Variants in CDKL5 observed in about 807,000 individuals in gnomAD.
CDKL5 encodes the protein cyclin dependent kinase like 5.
Under a neutral mutation model 61.7 loss-of-function variants are expected in CDKL5, and 8 were observed. The ratio of observed to expected loss-of-function variants is 0.13; its 90% CI spans 0.08 to 0.23. The LOEUF (loss-of-function observed/expected upper bound fraction) is 0.23, where lower values mean the gene tolerates loss of function less well. CDKL5 is among the 10% of genes least tolerant of loss of function. The pLI, the probability that CDKL5 is intolerant of heterozygous loss-of-function variation, is 1.00. For synonymous variants in CDKL5, 275 were observed against 272.3 expected (o/e 1.01, Z -0.10); for missense variants, 440 against 734.5 (o/e 0.60, Z 4.63).
At chrX:18,611,252 A>T (rs1303682839) in intron 14 of CDKL5, among the ~76,000 whole-genome samples, 1 of 109,997 alleles carries the variant, frequency 9.1e-6, no homozygotes, top group Non-Finnish European at 1.9e-5. Flanking sequence ...AACATGGCAA[A>T]ACCCCGTCTC....
At position 18,630,996 on chromosome X, in the gene CDKL5, T is replaced by C; in HGVS notation, c.*2239T>C. On this transcript the variant is annotated 3_prime_UTR_variant, in exon 18 of 18. Coordinates refer to ENST00000623535, the MANE Select transcript of CDKL5 (RefSeq NM_001323289.2). ...CTTGCAAACCAGAAACTACACTTTT[T>C]TTCTCTGGAAAGACTTCTCACTGTG... is the stretch of plus-strand genomic sequence containing the variant. The C allele has an allele frequency of 1.3e-6, 1 of 750,365 alleles. No individual in the cohort carries two copies. The highest frequency in any genetic ancestry group is 1.6e-6 in the Non-Finnish European group (1 of 638,491). The allele number at this position is 750,365 out of a possible 1,213,427, so 61.8% of individuals were successfully genotyped here.
At chrX:18,428,091 C>T (rs1319464310) in intron 1 of CDKL5, among the ~76,000 whole-genome samples, 3 of 111,482 alleles carry the variant, frequency 2.7e-5, no homozygotes, top group Non-Finnish European at 5.6e-5. Flanking sequence ...TTAACGGGAA[C>T]CAGATTTTAC....
intron 15 of CDKL5, among the ~76,000 whole-genome samples, chrX:18,614,234 G>A (rs1926649633): frequency 1.8e-5 from 2 of 112,361 alleles, no homozygotes; most frequent in Non-Finnish European, 3.8e-5. Flanking sequence ...AGGTTTCAGT[G>A]TTGTTGTGCC....
rs758944304 is a variant in CDKL5, at chrX:18,647,357, T to A, written c.2797+1267T>A. Reference sequence around the variant, plus strand: ...TCTGGGAAAGGAAAAAGAATTCACATTCACACATATCTCAATACTCAACAA... The same window carrying A: ...TCTGGGAAAGGAAAAAGAATTCACAATCACACATATCTCAATACTCAACAA... On this transcript the variant is annotated intron_variant, in intron 20 of 21. Transcript: ENST00000379989. The A allele has an allele frequency of 5.0e-6, 6 of 1,202,178 alleles. No individual in the cohort carries two copies. In the African/African-American group the frequency reaches 8.8e-5, roughly 18 times the overall value.
chrX:18,566,473 A>C (rs1924974192), intron 4 of CDKL5, among the ~76,000 whole-genome samples: 1 of 112,582 alleles, frequency 8.9e-6, no homozygotes. Context: ...TTTCTTTTTA[A>C]GTAAATACCA....
intron 1 of CDKL5, among the ~76,000 whole-genome samples, chrX:18,471,510 CT>C (rs1921094571): frequency 9.1e-6 from 1 of 110,293 alleles, no homozygotes; most frequent in Non-Finnish European, 1.9e-5. Flanking sequence ...GTGGCTGGGA[CT>C]ACAGGCTTGC....
chrX:18,478,683 T>C (rs1451864930), intron 1 of CDKL5, among the ~76,000 whole-genome samples: 2 of 109,152 alleles, frequency 1.8e-5, no homozygotes, highest in African/African-American at 3.3e-5. Flanking sequence ...TGCTTTCTTT[T>C]TTTTTTTTTT....
intron 2 of CDKL5, among the ~76,000 whole-genome samples, chrX:18,509,009 C>G (rs1327758395): frequency 9.2e-6 from 1 of 108,570 alleles, no homozygotes; most frequent in Non-Finnish European, 1.9e-5. Context: ...AGGAGAATCG[C>G]TTGAACCTAG....
At chrX:18,505,199 ATTCT>A (rs1454137964) in intron 1 of CDKL5, among the ~76,000 whole-genome samples, 9 of 111,593 alleles carry the variant, frequency 8.1e-5, no homozygotes, top group East Asian at 2.8e-4. Flanking sequence ...TTGCTTTATC[ATTCT>A]TTCTGTCTTT....
chrX:18,450,407 C>T (rs181235371), intron 1 of CDKL5, among the ~76,000 whole-genome samples: 2 of 111,745 alleles, frequency 1.8e-5, no homozygotes, highest in African/African-American at 6.5e-5. Context: ...TCTTCTTTGC[C>T]AGATTATTAA....
chrX:18,505,930 T>C (rs1362203323), intron 1 of CDKL5, among the ~76,000 whole-genome samples: 1 of 113,160 alleles, frequency 8.8e-6, no homozygotes, highest in Non-Finnish European at 1.9e-5. Flanking sequence ...ACCAGAGTGA[T>C]TGCCAAATGG....
chrX:18,425,793 C>T (rs912437152), intron 1 of CDKL5, 98 bp downstream of exon 1: 2 of 112,194 alleles, frequency 1.8e-5, no homozygotes, highest in East Asian at 2.9e-4. Flanking sequence ...CCCACCCAGT[C>T]CCCCCGGGCG....
chrX:18,458,113 G>C (rs1175137179), intron 1 of CDKL5, among the ~76,000 whole-genome samples: 1 of 106,811 alleles, frequency 9.4e-6, no homozygotes, highest in Non-Finnish European at 1.9e-5. Context: ...AGTAGAGACA[G>C]GGTTTCACCA....
rs1480118952 is a variant in CDKL5 at position 18,553,461 on chromosome X, TGTGC to T, written c.100-11012_100-11009del. The stretch of plus-strand genomic sequence containing the variant: ...CTTGGCTTGAAGGCAGTTGTGTGTG[TGTGC>T]GTGTGTGTGTGTGTGTGTGTGTGTG... On this transcript the variant is annotated intron_variant, in intron 3 of 17. Transcript: ENST00000623535. 2.8e-3 allele frequency among the ~76,000 whole-genome samples: 285 copies of T among 100,451 alleles called. 2 individuals carry two copies. Among genetic ancestry groups the T allele is most frequent in the African/African-American group, 0.011 (274 of 25,282 alleles). 87.2% of individuals were successfully genotyped at this position (100,451 alleles called of 115,157 possible).
At chrX:18,455,850 A>G (rs1312068645) in intron 1 of CDKL5, among the ~76,000 whole-genome samples, 1 of 111,821 alleles carries the variant, frequency 8.9e-6, no homozygotes, top group Admixed American at 9.5e-5. Flanking sequence ...ATTGCCTGAA[A>G]CATCATTATG....
In CDKL5 at chrX:18,595,364, A is replaced by G. The variant is rs1481627825; in HGVS notation, c.761A>G (p.His254Arg). The stretch of plus-strand genomic sequence containing the variant: ...GTCTCACAGTTTCCAGCTGTTAACC[A>G]TCCTCAGTCCTTGGAAAGAAGATAC... ...FHGLRFPAVN[H>R]PQSLERRYLG... Residue 254 changes from histidine to arginine, a missense_variant, in exon 10 of 18, where the codon CAT becomes CGT. His to Arg is a conservative substitution (Grantham distance 29). This residue lies in a region of CDKL5 where 77 missense variants were observed against 218.2 expected (regional missense o/e 0.35). Coordinates refer to ENST00000623535, the MANE Select transcript of CDKL5 (RefSeq NM_001323289.2). 17 of 1,196,462 alleles carry G rather than the reference A, an allele frequency of 1.4e-5. No individual in the cohort carries two copies. The highest frequency in any genetic ancestry group is 5.3e-5 in the African/African-American group (3 of 56,964).
chrX:18,586,170 C>G, intron 8 of CDKL5, among the ~76,000 whole-genome samples: 1 of 111,450 alleles, frequency 9.0e-6, no homozygotes, highest in Non-Finnish European at 1.9e-5. Context: ...ATTGTGTAGG[C>G]AGAGTTTAGA....
At chrX:18,601,936 G>A (rs181275913) in intron 11 of CDKL5, among the ~76,000 whole-genome samples, 98 of 111,631 alleles carry the variant, frequency 8.8e-4, no homozygotes, top group African/African-American at 3.2e-3. Context: ...GCCTGAAGGG[G>A]AATGGGGATG....
downstream of CDKL5, among the ~76,000 whole-genome samples, chrX:18,642,887 C>CA (rs3838189): frequency 1.0e-4 from 11 of 108,694 alleles, no homozygotes; most frequent in East Asian, 2.9e-3. Context: ...ACTAAAAATA[C>CA]AAAAAAATTA....
Sources: gnomAD v4.1 joint callset for allele counts (sites outside exome capture counted in the v4.1 genomes callset) on GRCh38, gnomAD v4.1.1 for gene constraint, gnomAD v4.1.1 regional missense constraint, MANE v1.5 for transcripts, NCBI Gene and HGNC (gene_info 2026-07-23, HGNC 2026-07-21) for gene names.